LOXHD1: variants seen among roughly 807,000 people sequenced by gnomAD.
The protein encoded by LOXHD1 is lipoxygenase homology domain-containing protein 1.
LOXHD1 carries 205 observed loss-of-function variants against 248.2 expected under a neutral mutation model. The observed-to-expected ratio is 0.83, with a 90% confidence interval of 0.74 to 0.93. The LOEUF is 0.93. Ranked by LOEUF, LOXHD1 falls within the 40% of genes least tolerant of loss-of-function variation. The pLI, the probability that LOXHD1 is intolerant of heterozygous loss-of-function variation, is 0.00. For missense variants in LOXHD1, 2,930 were observed against 2,971.6 expected (o/e 0.99, Z 0.33); for synonymous variants, 1,113 against 1,162.8 (o/e 0.96, Z 0.87).
rs530806432 is a variant in LOXHD1 at position 46,621,551 on chromosome 18, GC to G, written c.512-3262del. On this transcript the variant is annotated intron_variant, in intron 4 of 40. Coordinates refer to ENST00000642948, the MANE Select transcript of LOXHD1 (RefSeq NM_001384474.1). ...CATCAAGCCTTCCTGTCACACAAGTGCCCCCCAATTTCCTGTGACTAGAGTT... is the reference window on the plus strand; with the variant it reads ...CATCAAGCCTTCCTGTCACACAAGTGCCCCCAATTTCCTGTGACTAGAGTT... 7.3e-3 allele frequency among the ~76,000 whole-genome samples: 1,111 copies of G among 152,254 alleles called. 17 individuals carry two copies. Among genetic ancestry groups the G allele is most frequent in the African/African-American group, 0.024 (1,005 of 41,562 alleles).
At position 46,506,013 on chromosome 18, in the gene LOXHD1, A is replaced by C. The variant is rs1430003685; in HGVS notation, c.5703T>G (p.Thr1901=). 6.4e-7 allele frequency: 1 copy of C among 1,552,100 alleles called. No individual in the cohort carries two copies. Among genetic ancestry groups the C allele is most frequent in the African/African-American group, 1.4e-5 (1 of 73,030 alleles). Residue 1901 remains threonine, a synonymous_variant, in exon 37 of 41, where the codon ACT becomes ACG. Coordinates refer to ENST00000642948, the MANE Select transcript of LOXHD1 (RefSeq NM_001384474.1). ...VKTSDILGAG[T]DANVFIIIFG... ...AGATGATGATGAACACGTTGGCATC[A>C]GTGCCTGCTCCTGGGGGGTGCACAA... is the stretch of plus-strand genomic sequence containing the variant.
At chr18:46,560,702 C>T (rs1245537161) in intron 18 of LOXHD1, among the ~76,000 whole-genome samples, 157 bp from the exon 19 acceptor site, 1 of 152,180 alleles carries the variant, frequency 6.6e-6, no homozygotes, top group East Asian at 1.9e-4. Context: ...CCACCACCTC[C>T]CTCTCTCCGG....
chr18:46,537,961 G>A (rs955305029), intron 26 of LOXHD1, among the ~76,000 whole-genome samples, 195 bp downstream of exon 26: 8 of 152,236 alleles, frequency 5.3e-5, no homozygotes, highest in African/African-American at 1.7e-4. Flanking sequence ...AGTCCAGGAG[G>A]AGCAGGGTGA....
chr18:46,529,383 G>A (rs2035965236), intron 28 of LOXHD1, 52 bp from the exon 29 acceptor site: 3 of 1,498,188 alleles, frequency 2.0e-6, no homozygotes, highest in Non-Finnish European at 2.7e-6. Flanking sequence ...AAGGGTGACA[G>A]CGCTTTAGGT....
chr18:46,611,288 C>T (rs1389003480), intron 5 of LOXHD1, among the ~76,000 whole-genome samples: 1 of 152,192 alleles, frequency 6.6e-6, no homozygotes, highest in East Asian at 1.9e-4. Flanking sequence ...CGGTATTCAG[C>T]CTACAGACTT....
rs769377709 is a variant in LOXHD1, at chr18:46,577,726, C to T, written c.1951G>A (p.Val651Met). 1.6e-5 allele frequency: 25 copies of T among 1,551,356 alleles called. No homozygotes were observed. The African/African-American group carries it at 2.2e-4, about 14-fold the overall frequency. ...REEGQPESDN[V>M]EFPCLRWLDK... is the part of the protein sequence containing the mutation. ...ATGTACCTGAGACATGGGAACTCCA[C>T]GTTGTCGCTCTCAGGCTGCCCCTCC... The change falls in exon 14 of 41, where the codon GTG becomes ATG. Residue 651 changes from valine to methionine, a missense_variant. Transcript: ENST00000642948.
At chr18:46,569,735 G>C in intron 15 of LOXHD1, 97 bp from the exon 16 acceptor site, 1 of 966,820 alleles carries the variant, frequency 1.0e-6, no homozygotes, top group Non-Finnish European at 1.5e-6. Context: ...GGAGCTGGAG[G>C]TTTGTGGGGA....
intron 38 of LOXHD1, among the ~76,000 whole-genome samples, chr18:46,486,753 G>A (rs962068479): frequency 6.6e-6 from 1 of 152,202 alleles, no homozygotes; most frequent in African/African-American, 2.4e-5. Context: ...AGTAGGAGGT[G>A]TGAGAGATGA....
chr18:46,625,475 A>T (rs970509371), intron 4 of LOXHD1, among the ~76,000 whole-genome samples: 1 of 151,254 alleles, frequency 6.6e-6, no homozygotes, highest in Admixed American at 6.6e-5. Context: ...ATACATTAAC[A>T]CTAGCGATAG....
chr18:46,601,587 T>A (rs2038341227), intron 7 of LOXHD1, 120 bp from the exon 8 acceptor site: 1 of 1,349,050 alleles, frequency 7.4e-7, no homozygotes. Flanking sequence ...ACATCCTCTT[T>A]CCCCATCATG....
At chr18:46,523,684 T>C (rs2035688996) in intron 31 of LOXHD1, among the ~76,000 whole-genome samples, 1 of 152,170 alleles carries the variant, frequency 6.6e-6, no homozygotes, top group South Asian at 2.1e-4. Flanking sequence ...AAACTGTCTC[T>C]TCCTGGCTGG....
intron 40 of LOXHD1, among the ~76,000 whole-genome samples, chr18:46,479,230 A>ATATG (rs1029534452): frequency 1.2e-4 from 10 of 81,374 alleles, no homozygotes; most frequent in Non-Finnish European, 7.0e-5. Context: ...GTTTGTATAT[A>ATATG]TATGTATGTG....
In LOXHD1 at chr18:46,621,665, A is replaced by G. The variant is rs8084336; in HGVS notation, c.512-3375T>C. Among the ~76,000 whole-genome samples the G allele has an allele frequency of 7.3e-3, 1,117 of 152,234 alleles. 19 individuals are homozygous for G. The highest frequency in any genetic ancestry group is 0.026 in the African/African-American group (1,078 of 41,510). ...TGGATCTCGTAATCTGTGAGAACAAAACGCCCACATATGAGATAGGGCTGC... is the reference window on the plus strand; with the variant it reads ...TGGATCTCGTAATCTGTGAGAACAAGACGCCCACATATGAGATAGGGCTGC... On this transcript the variant is annotated intron_variant, in intron 4 of 40. Coordinates refer to ENST00000642948, the MANE Select transcript of LOXHD1 (RefSeq NM_001384474.1).
At chr18:46,598,507 A>AC (rs560626088) in intron 8 of LOXHD1, among the ~76,000 whole-genome samples, 8,665 of 126,828 alleles carry the variant, frequency 0.068, 310 homozygotes, top group Non-Finnish European at 0.11. Context: ...AGCTTTGAAA[A>AC]TTAAAAAAAA....
At chr18:46,516,896 TC>T (rs1194002538) in intron 34 of LOXHD1, among the ~76,000 whole-genome samples, 1 of 152,032 alleles carries the variant, frequency 6.6e-6, no homozygotes, top group East Asian at 1.9e-4. Flanking sequence ...ACTACCATCA[TC>T]CCAGTCATCA....
chr18:46,567,181 T>C (rs1466605304), intron 16 of LOXHD1, among the ~76,000 whole-genome samples: 2 of 152,282 alleles, frequency 1.3e-5, no homozygotes, highest in Non-Finnish European at 2.9e-5. Flanking sequence ...TTTGAAATGC[T>C]GTATACAGAG....
Position 46,656,933 on chromosome 18 carries a change from T to TC in LOXHD1, c.100dup (p.Glu34GlyfsTer13). The TC allele has an allele frequency of 1.3e-6, 2 of 1,551,334 alleles. No individual in the cohort carries two copies. Among genetic ancestry groups the TC allele is most frequent in the Non-Finnish European group, 1.7e-6 (2 of 1,146,836 alleles). ...GGCCTTGTAGTACTCGTGTTCCAGC[T>TC]CCCCCTCGTCGTCCTCCGAGGCGTA... On this transcript the variant is annotated frameshift_variant, in exon 1 of 41. Transcript: ENST00000642948. LOFTEE classifies it high-confidence loss of function.
Position 46,560,422 on chromosome 18 carries a change from G to A in LOXHD1, c.2722C>T (p.Leu908Phe). The A allele has an allele frequency of 1.3e-6, 2 of 1,547,564 alleles. No homozygotes were observed. Among genetic ancestry groups the A allele is most frequent in the Non-Finnish European group, 1.7e-6 (2 of 1,147,284 alleles). Reference protein sequence around the residue: ...LRHLVVREVDLTPEEEARKKK... With the variant: ...LRHLVVREVDFTPEEEARKKK... Reference sequence around the variant, plus strand: ...TTCCGGGCCTCCTCCTCCGGCGTGAGGTCCACCTCCCGCACCACCAGGTGC... The same window carrying A: ...TTCCGGGCCTCCTCCTCCGGCGTGAAGTCCACCTCCCGCACCACCAGGTGC... Residue 908 changes from leucine to phenylalanine, a missense_variant, in exon 19 of 41, where the codon CTC becomes TTC. Coordinates refer to ENST00000642948, the MANE Select transcript of LOXHD1 (RefSeq NM_001384474.1).
At chr18:46,587,722 C>T (rs2144201478) in intron 12 of LOXHD1, among the ~76,000 whole-genome samples, 1 of 152,322 alleles carries the variant, frequency 6.6e-6, no homozygotes, top group Middle Eastern at 3.4e-3. Context: ...CCAGTGGCCT[C>T]TTGCCCACTC....
Sources: gnomAD v4.1 joint callset for allele counts (sites outside exome capture counted in the v4.1 genomes callset) on GRCh38, gnomAD v4.1.1 for gene constraint, MANE v1.5 for transcripts, NCBI Gene and HGNC (gene_info 2026-07-23, HGNC 2026-07-21) for gene names.